The following ZNG1F variants were observed in gnomAD, a reference collection of about 807,000 sequenced individuals.
The protein encoded by ZNG1F is Zn regulated GTPase metalloprotein activator 1F, also known as zinc-regulated GTPase metalloprotein activator 1F.
At chr9:41,151,908 T>C in the ZNG1F span, among the ~76,000 whole-genome samples, 1 of 143,958 alleles carries the variant, frequency 6.9e-6, no homozygotes, top group Non-Finnish European at 1.5e-5. Flanking sequence ...TGCCAAAATG[T>C]AAAGACCATC....
At chr9:41,174,425 A>G in the ZNG1F span, 1 of 1,582,554 alleles carries the variant, frequency 6.3e-7, no homozygotes, top group Non-Finnish European at 8.5e-7. Context: ...CCATGTTTTA[A>G]TTTGCCCTGA....
the ZNG1F span, chr9:41,183,529 T>C: frequency 6.1e-5 from 94 of 1,536,072 alleles, 1 homozygote; most frequent in Non-Finnish European, 7.8e-5. Context: ...TAAACATTTC[T>C]AGTAAACCAT....
the ZNG1F span, among the ~76,000 whole-genome samples, chr9:41,204,854 C>T: frequency 3.8e-5 from 5 of 133,038 alleles, no homozygotes; most frequent in African/African-American, 1.3e-4. Flanking sequence ...TCCTACTCAA[C>T]TTTTTATTTT....
chr9:41,204,886 G>T, the ZNG1F span, among the ~76,000 whole-genome samples: 1 of 147,794 alleles, frequency 6.8e-6, no homozygotes. Flanking sequence ...ATAATTTTAT[G>T]AGTTATAATT....
At chr9:41,183,689 C>G in the ZNG1F span, 5 of 1,606,156 alleles carry the variant, frequency 3.1e-6, no homozygotes, top group African/African-American at 2.7e-5. Context: ...AATAAATAAA[C>G]AAACTCTTTA....
chr9:41,200,716 G>T, the ZNG1F span, among the ~76,000 whole-genome samples: 2 of 152,224 alleles, frequency 1.3e-5, no homozygotes, highest in Non-Finnish European at 2.9e-5. Flanking sequence ...TGGACTTACG[G>T]TTCCACATGG....
chr9:41,152,288 A>T, the ZNG1F span, among the ~76,000 whole-genome samples: 2 of 147,664 alleles, frequency 1.4e-5, no homozygotes, highest in Non-Finnish European at 3.0e-5. Context: ...GATCAATTCA[A>T]CAAGAAGAGC....
At chr9:41,195,577 G>A in the ZNG1F span, among the ~76,000 whole-genome samples, 2 of 143,718 alleles carry the variant, frequency 1.4e-5, no homozygotes, top group Non-Finnish European at 3.1e-5. Flanking sequence ...TGAGTCACTT[G>A]TAAGTCAGCT....
the ZNG1F span, among the ~76,000 whole-genome samples, chr9:41,201,552 TCTA>T: frequency 7.6e-6 from 1 of 131,880 alleles, no homozygotes; most frequent in Non-Finnish European, 1.6e-5. Flanking sequence ...CTTTTGAAAT[TCTA>T]CTGATAGGGA....
chr9:41,132,086 G>A, the ZNG1F span: 305 of 1,548,472 alleles, frequency 2.0e-4, 19 homozygotes, highest in Admixed American at 2.5e-3. Context: ...ACATTGTAAC[G>A]TGACAAAGAT....
the ZNG1F span, among the ~76,000 whole-genome samples, chr9:41,169,798 C>T: frequency 6.7e-6 from 1 of 148,352 alleles, no homozygotes; most frequent in East Asian, 2.0e-4. Context: ...GTAATTCACA[C>T]ACTGTATACC....
At chr9:41,150,406 G>A in the ZNG1F span, among the ~76,000 whole-genome samples, 1 of 143,306 alleles carries the variant, frequency 7.0e-6, no homozygotes, top group Admixed American at 7.2e-5. Context: ...AGGGGCGCCC[G>A]CCATTGCCCA....
At chr9:41,132,134 G>A in the ZNG1F span, 4 of 1,538,608 alleles carry the variant, frequency 2.6e-6, no homozygotes, top group Non-Finnish European at 3.5e-6. Context: ...TTTAAAAGAG[G>A]ACCTGAATGG....
At chr9:41,150,249 A>G in the ZNG1F span, among the ~76,000 whole-genome samples, 10 of 148,832 alleles carry the variant, frequency 6.7e-5, no homozygotes, top group African/African-American at 2.5e-4. Context: ...CCACCCGAAT[A>G]CTGCGCTTTT....
At chr9:41,166,535 C>T in the ZNG1F span, among the ~76,000 whole-genome samples, 5 of 132,980 alleles carry the variant, frequency 3.8e-5, no homozygotes, top group East Asian at 4.3e-4. Context: ...TAATATTTCC[C>T]GAGTTCCTCA....
chr9:41,149,738 C>G, the ZNG1F span, among the ~76,000 whole-genome samples: 1 of 151,060 alleles, frequency 6.6e-6, no homozygotes, highest in African/African-American at 2.4e-5. Context: ...GTGAAACGTT[C>G]CAGAGATCTG....
chr9:41,192,904 A>T, the ZNG1F span, among the ~76,000 whole-genome samples: 1 of 151,400 alleles, frequency 6.6e-6, no homozygotes, highest in Non-Finnish European at 1.5e-5. Flanking sequence ...TAACTTAAAA[A>T]TTCCTCCTCA....
the ZNG1F span, among the ~76,000 whole-genome samples, chr9:41,137,553 C>T: frequency 7.5e-6 from 1 of 134,086 alleles, no homozygotes. Context: ...ATGACCTGTC[C>T]AGTGCTGTCA....
the ZNG1F span, chr9:41,131,774 T>C: frequency 2.5e-6 from 1 of 393,548 alleles, no homozygotes; most frequent in Middle Eastern, 5.9e-4. Flanking sequence ...TGTTGTCCAC[T>C]GCTTTTCTGT....
Sources: gnomAD v4.1 joint callset for allele counts (sites outside exome capture counted in the v4.1 genomes callset) on GRCh38, gnomAD v4.1.1 for gene constraint, MANE v1.5 for transcripts, NCBI Gene and HGNC (gene_info 2026-07-23, HGNC 2026-07-21) for gene names.